The following MKNK1 variants were observed in gnomAD, a reference collection of about 807,000 sequenced individuals.
MKNK1 encodes the protein MAPK interacting serine/threonine kinase 1.
In MKNK1, 30 loss-of-function variants were observed where a neutral mutation model predicts 49.3. The ratio of observed to expected loss-of-function variants is 0.61; its 90% CI spans 0.46 to 0.83. MKNK1 has a LOEUF of 0.83. MKNK1 is among the 40% of genes least tolerant of loss of function. MKNK1 has a pLI of 0.00. For synonymous variants in MKNK1, 176 were observed against 201.7 expected (o/e 0.87, Z 1.08); for missense variants, 423 against 524.7 (o/e 0.81, Z 1.89).
At chr1:46,590,096 A>G (rs1426611761) in intron 2 of MKNK1, among the ~76,000 whole-genome samples, 3 of 152,172 alleles carry the variant, frequency 2.0e-5, no homozygotes, top group Non-Finnish European at 2.9e-5. Context: ...TAGTGGTGAG[A>G]GCAAGCAGAG....
Position 46,571,957 on chromosome 1 carries a change from C to T in MKNK1, c.457+106G>A. On this transcript the variant is annotated intron_variant, in intron 7 of 12. Coordinates refer to ENST00000371945, the MANE Select transcript of MKNK1 (RefSeq NM_001135553.4). Reference sequence around the variant, plus strand: ...CATGTTCACACCTCAAGCTGCCTTCCAGCCACACCATCTCCTGCACCAGCC... The same window carrying T: ...CATGTTCACACCTCAAGCTGCCTTCTAGCCACACCATCTCCTGCACCAGCC... 3 of 1,016,450 alleles carry T rather than the reference C, an allele frequency of 3.0e-6. No homozygotes were observed. The Admixed American group carries it at 5.9e-5, about 20-fold the overall frequency. The allele number at this position is 1,016,450 out of a possible 1,614,324, so 63.0% of individuals were successfully genotyped here.
chr1:46,580,262 G>A (rs1671536088), intron 4 of MKNK1, among the ~76,000 whole-genome samples: 1 of 152,194 alleles, frequency 6.6e-6, no homozygotes, highest in African/African-American at 2.4e-5. Context: ...ATTGTGCTAA[G>A]CACTTTACCT....
intron 7 of MKNK1, chr1:46,569,859 T>C (rs1463039238): frequency 1.3e-5 from 2 of 151,842 alleles, no homozygotes; most frequent in East Asian, 1.9e-4. Flanking sequence ...AGCCTTACTC[T>C]CCAAATAGGC....
chr1:46,560,446 C>T (rs987152729), intron 11 of MKNK1, among the ~76,000 whole-genome samples, 169 bp from the exon 12 acceptor site: 2 of 152,308 alleles, frequency 1.3e-5, no homozygotes, highest in Admixed American at 6.5e-5. Context: ...AAGAAAGGTA[C>T]AATCTGCAGC....
intron 7 of MKNK1, among the ~76,000 whole-genome samples, chr1:46,571,735 C>T (rs528662627): frequency 3.3e-5 from 5 of 152,250 alleles, no homozygotes; most frequent in Admixed American, 6.5e-5. Flanking sequence ...ATTCCTCACA[C>T]GATAAGAATC....
chr1:46,583,086 C>T lies in MKNK1; in HGVS notation c.100+142G>A. ...AATGCCCTGTGTAAACTCCCTCATC[C>T]CCATCTTATCTCCCTACCACACAGA... On this transcript the variant is annotated intron_variant, in intron 3 of 12. Coordinates refer to ENST00000371945, the MANE Select transcript of MKNK1 (RefSeq NM_001135553.4). 4.1e-6 allele frequency: 3 copies of T among 734,770 alleles called. No individual in the cohort carries two copies. In the South Asian group the frequency reaches 4.6e-5, roughly 11 times the overall value. The allele number at this position is 734,770 out of a possible 1,614,324, so 45.5% of individuals were successfully genotyped here. A position where few individuals can be genotyped will look rare whatever the true frequency, so the allele number is the denominator to read the frequency against.
chr1:46,599,903 T>C (rs1479444716), intron 1 of MKNK1, among the ~76,000 whole-genome samples: 1 of 152,188 alleles, frequency 6.6e-6, no homozygotes, highest in Non-Finnish European at 1.5e-5. Flanking sequence ...TAAATGCTAG[T>C]GTTCTGCTCC....
chr1:46,558,746 G>A lies in MKNK1; in HGVS notation c.1068C>T (p.Asn356=), dbSNP rs1207734970. The A allele has an allele frequency of 6.2e-6, 10 of 1,614,142 alleles. No individual in the cohort carries two copies. Among genetic ancestry groups the A allele is most frequent in the South Asian group, 2.2e-5 (2 of 91,094 alleles). ...TLFAAEAIAL[N]RQLSQHEENE... is the part of the protein sequence containing the mutation. Reference sequence around the variant, plus strand: ...TCTCTTCGTGCTGAGATAGCTGGCGGTTAAGGGCGATGGCCTCAGCTGCGA... The same window carrying A: ...TCTCTTCGTGCTGAGATAGCTGGCGATTAAGGGCGATGGCCTCAGCTGCGA... The change falls in exon 13 of 13, where the codon AAC becomes AAT. Residue 356 remains asparagine (N), a synonymous_variant. Coordinates refer to ENST00000371945, the MANE Select transcript of MKNK1 (RefSeq NM_001135553.4).
intron 2 of MKNK1, chr1:46,585,710 C>G: frequency 2.1e-6 from 1 of 474,994 alleles, no homozygotes; most frequent in Non-Finnish European, 4.3e-6. Flanking sequence ...AGGGGACACT[C>G]AGGCACACGA....
intron 7 of MKNK1, chr1:46,570,357 T>C (rs1474619540): frequency 6.6e-6 from 1 of 152,242 alleles, no homozygotes; most frequent in Non-Finnish European, 1.5e-5. Flanking sequence ...GTTACCTCTA[T>C]GCATCCCAGC....
At chr1:46,560,433 A>G (rs1667746923) in intron 11 of MKNK1, among the ~76,000 whole-genome samples, 156 bp from the exon 12 acceptor site, 1 of 152,194 alleles carries the variant, frequency 6.6e-6, no homozygotes, top group South Asian at 2.1e-4. Context: ...CCAAGCAGAG[A>G]GCAAGAAAGG....
chr1:46,572,507 T>C (rs971991267), intron 6 of MKNK1, among the ~76,000 whole-genome samples: 1 of 152,092 alleles, frequency 6.6e-6, no homozygotes, highest in Non-Finnish European at 1.5e-5. Flanking sequence ...CGTGAGCCAC[T>C]GCGCCTGGCC....
At position 46,575,029 on chromosome 1, in the gene MKNK1, G is replaced by A. The variant is rs760739487; in HGVS notation, c.279-9C>T. ...TCAGCTCCAAAATGTTCCTTAAATA[G>A]GGAAAATAGGAGGAGAGGGAAAAGG... On this transcript the variant is annotated splice_polypyrimidine_tract_variant and intron_variant, in intron 5 of 12. Transcript: ENST00000371945. 1.9e-6 allele frequency: 3 copies of A among 1,582,122 alleles called. No homozygotes were observed. The highest frequency in any genetic ancestry group is 1.1e-5 in the South Asian group (1 of 89,554).
In MKNK1 at chr1:46,565,025, G is replaced by T; in HGVS notation, c.609+16C>A. On this transcript the variant is annotated intron_variant, in intron 9 of 12. Transcript: ENST00000371945. ...AACACTCCAAATACTTAGGAGCCCAGAGGAAGCATACGTACTGGGGTGGTC... is the reference window on the plus strand; with the variant it reads ...AACACTCCAAATACTTAGGAGCCCATAGGAAGCATACGTACTGGGGTGGTC... 1.2e-6 allele frequency: 2 copies of T among 1,611,588 alleles called. No individual in the cohort carries two copies. Among genetic ancestry groups the T allele is most frequent in the South Asian group, 1.1e-5 (1 of 91,038 alleles).
chr1:46,598,318 C>T (rs1311239808), intron 1 of MKNK1, among the ~76,000 whole-genome samples: 1 of 152,088 alleles, frequency 6.6e-6, no homozygotes, highest in Non-Finnish European at 1.5e-5. Flanking sequence ...GGTGAAAACA[C>T]AAGTCAGGTA....
chr1:46,592,996 A>G (rs1673550024), intron 2 of MKNK1, among the ~76,000 whole-genome samples: 1 of 152,066 alleles, frequency 6.6e-6, no homozygotes, highest in African/African-American at 2.4e-5. Flanking sequence ...GGTGACACAC[A>G]GCCACCAGGG....
chr1:46,583,299 G>A lies in MKNK1; in HGVS notation c.29C>T (p.Ala10Val), dbSNP rs773886153. The change falls in exon 3 of 13, where the codon GCA becomes GTA. Residue 10 changes from alanine to valine, a missense_variant. Physicochemically the swap from Ala to Val is moderately conservative, Grantham distance 64. Transcript: ENST00000371945. The stretch of plus-strand genomic sequence containing the variant: ...CTTCTTCCTCCTCCTGTCACCATCT[G>A]CGATGGGAAGGGGTTCGCTACTGCC... MGSSEPLPI[A>V]DGDRRRKKKR... is the part of the protein sequence containing the mutation. The A allele has an allele frequency of 8.7e-6, 14 of 1,613,820 alleles. No homozygotes were observed. The South Asian group carries it at 1.1e-4, about 13-fold the overall frequency.
At chr1:46,583,010 G>T (rs1265370147) in intron 3 of MKNK1, 3 of 674,126 alleles carry the variant, frequency 4.5e-6, no homozygotes, top group Non-Finnish European at 5.4e-6. Flanking sequence ...GCCATTCACA[G>T]GAGGCCAGTG....
At chr1:46,572,951 C>T (rs111832542) in intron 6 of MKNK1, among the ~76,000 whole-genome samples, 3 of 152,148 alleles carry the variant, frequency 2.0e-5, no homozygotes, top group South Asian at 2.1e-4. Context: ...ATGGGTTTTC[C>T]GCCTGAGCTT....
Sources: gnomAD v4.1 joint callset for allele counts (sites outside exome capture counted in the v4.1 genomes callset) on GRCh38, gnomAD v4.1.1 for gene constraint, MANE v1.5 for transcripts, NCBI Gene and HGNC (gene_info 2026-07-23, HGNC 2026-07-21) for gene names.